CSGALNACT1: variants seen among roughly 807,000 people sequenced by gnomAD.
CSGALNACT1 encodes the protein chondroitin sulfate N-acetylgalactosaminyltransferase 1.
Under a neutral mutation model 51.0 loss-of-function variants are expected in CSGALNACT1, and 52 were observed. The observed-to-expected ratio is 1.02, with a 90% CI of 0.82 to 1.29. The LOEUF (loss-of-function observed/expected upper bound fraction) is 1.29. Among genes scored for constraint, CSGALNACT1 ranks in the 50% most tolerant of loss-of-function variants. The probability of loss-of-function intolerance (pLI) is 0.00; values close to 1 mark genes in which losing one functional copy is unlikely to be tolerated. For missense variants in CSGALNACT1, 935 were observed against 679.2 expected (o/e 1.38, Z -4.19); for synonymous variants, 341 against 254.4 (o/e 1.34, Z -3.24).
chr8:19,593,827 G>A (rs955808431), intron 2 of CSGALNACT1, among the ~76,000 whole-genome samples: 2 of 152,178 alleles, frequency 1.3e-5, no homozygotes, highest in African/African-American at 4.8e-5. Flanking sequence ...CTTCCCTTGA[G>A]GGCTGGATGA....
At chr8:19,444,413 C>A (rs1032107860) in intron 5 of CSGALNACT1, among the ~76,000 whole-genome samples, 13 of 152,172 alleles carry the variant, frequency 8.5e-5, no homozygotes, top group Non-Finnish European at 1.9e-4. Flanking sequence ...GGGTGTGGTA[C>A]CCTTGGATAC....
At chr8:19,694,161 T>A (rs1426185905) in intron 1 of CSGALNACT1, among the ~76,000 whole-genome samples, 1 of 152,220 alleles carries the variant, frequency 6.6e-6, no homozygotes, top group Admixed American at 6.5e-5. Context: ...TTGAAATAAC[T>A]AACTGGCCCA....
intron 1 of CSGALNACT1, among the ~76,000 whole-genome samples, chr8:19,679,658 G>A (rs949897042): frequency 2.0e-5 from 3 of 152,012 alleles, no homozygotes; most frequent in Admixed American, 6.6e-5. Context: ...AGGAAGGTCC[G>A]GCACCACCTG....
In CSGALNACT1 at chr8:19,601,762, C is replaced by G. The variant is rs977623502; in HGVS notation, c.-416+9G>C. On this transcript the variant is annotated intron_variant, in intron 2 of 9. Transcript: ENST00000454498. ...AAGGTTTGTTTCTTGAGTGAAAATGCTCACTTACCTGGGGGTTCAAGAAGG... is the reference window on the plus strand; with the variant it reads ...AAGGTTTGTTTCTTGAGTGAAAATGGTCACTTACCTGGGGGTTCAAGAAGG... The G allele has an allele frequency of 2.2e-6, 1 of 450,074 alleles. No individual in the cohort carries two copies. Among genetic ancestry groups the G allele is most frequent in the African/African-American group, 2.0e-5 (1 of 49,652 alleles). 27.9% of individuals were successfully genotyped at this position (450,074 alleles called of 1,614,324 possible).
intron 3 of CSGALNACT1, among the ~76,000 whole-genome samples, chr8:19,535,712 C>T (rs377294206): frequency 3.0e-4 from 45 of 151,954 alleles, no homozygotes; most frequent in Non-Finnish European, 3.8e-4. Context: ...TATTAGCAAG[C>T]CATAGAAGGA....
exon 2 of CSGALNACT1, chr8:19,601,858 G>C (rs145053554): frequency 3.8e-4 from 171 of 453,966 alleles, no homozygotes; most frequent in African/African-American, 2.8e-3. Flanking sequence ...CTTGAAATAG[G>C]AAGGCAGCTA....
intron 5 of CSGALNACT1, among the ~76,000 whole-genome samples, chr8:19,447,313 C>T (rs966907448): frequency 3.3e-5 from 5 of 152,130 alleles, no homozygotes; most frequent in African/African-American, 1.2e-4. Context: ...CTGGTATGGC[C>T]AGGTGGAAGG....
At chr8:19,420,510 T>G (rs2057750222) in exon 7 of CSGALNACT1, 8 of 1,613,946 alleles carry the variant, frequency 5.0e-6, no homozygotes, top group Non-Finnish European at 6.8e-6. Context: ...GTTCCTGAAG[T>G]TGGCAGCTCT....
intron 6 of CSGALNACT1, among the ~76,000 whole-genome samples, chr8:19,434,238 A>G (rs2060050708): frequency 6.6e-6 from 1 of 152,180 alleles, no homozygotes; most frequent in African/African-American, 2.4e-5. Flanking sequence ...TAAACAGTGC[A>G]TTCTATTCCA....
intron 1 of CSGALNACT1, among the ~76,000 whole-genome samples, chr8:19,664,024 G>A (rs559221941): frequency 6.6e-6 from 1 of 152,050 alleles, no homozygotes; most frequent in African/African-American, 2.4e-5. Context: ...CCCAGCTGGT[G>A]AAAGCGCGGG....
exon 5 of CSGALNACT1, chr8:19,458,451 A>C (rs770695314): frequency 7.4e-6 from 12 of 1,614,184 alleles, no homozygotes; most frequent in Non-Finnish European, 1.0e-5. Flanking sequence ...AACTGCCGGA[A>C]CTTGTCCACC....
chr8:19,543,334 G>C (rs184682224), intron 3 of CSGALNACT1, among the ~76,000 whole-genome samples: 2 of 152,188 alleles, frequency 1.3e-5, no homozygotes, highest in African/African-American at 4.8e-5. Flanking sequence ...AACATAGCAC[G>C]CCTGAGGCTT....
chr8:19,610,319 A>C (rs1246788985), intron 1 of CSGALNACT1, among the ~76,000 whole-genome samples: 2 of 148,004 alleles, frequency 1.4e-5, no homozygotes, highest in African/African-American at 2.5e-5. Context: ...AAAGATACAG[A>C]AGAGGGGAAG....
At chr8:19,506,895 G>C (rs140374391) in intron 3 of CSGALNACT1, among the ~76,000 whole-genome samples, 2 of 152,290 alleles carry the variant, frequency 1.3e-5, no homozygotes, top group African/African-American at 4.8e-5. Flanking sequence ...TTCTTTTTAA[G>C]TTACGCAGCT....
At chr8:19,585,989 C>G (rs368263506) in intron 3 of CSGALNACT1, among the ~76,000 whole-genome samples, 14 of 152,258 alleles carry the variant, frequency 9.2e-5, no homozygotes, top group African/African-American at 3.4e-4. Context: ...GGCTAAGGAC[C>G]TCAGAGTCCC....
intron 1 of CSGALNACT1, among the ~76,000 whole-genome samples, chr8:19,634,601 G>A (rs538298603): frequency 2.0e-5 from 3 of 152,318 alleles, no homozygotes; most frequent in East Asian, 3.9e-4. Flanking sequence ...GGTCTAGGCT[G>A]CAGTGAGCCA....
At chr8:19,549,687 T>C (rs1021919972) in intron 3 of CSGALNACT1, among the ~76,000 whole-genome samples, 1 of 142,916 alleles carries the variant, frequency 7.0e-6, no homozygotes, top group African/African-American at 2.7e-5. Flanking sequence ...TTTTGGCGTA[T>C]TCACTCACCT....
At chr8:19,472,777 GAA>G (rs1466614044) in intron 4 of CSGALNACT1, among the ~76,000 whole-genome samples, 2 of 152,114 alleles carry the variant, frequency 1.3e-5, no homozygotes, top group African/African-American at 2.4e-5. Flanking sequence ...AAGCATATCA[GAA>G]AAGTCTTAAA....
chr8:19,726,560 C>T (rs1654497609), intron 1 of CSGALNACT1, among the ~76,000 whole-genome samples: 1 of 152,152 alleles, frequency 6.6e-6, no homozygotes, highest in African/African-American at 2.4e-5. Context: ...ATCATCACCT[C>T]ACATGCTTAT....
Sources: allele counts gnomAD v4.1 joint callset (sites outside exome capture counted in the v4.1 genomes callset), GRCh38; gene constraint gnomAD v4.1.1; transcripts MANE v1.5; gene names NCBI Gene and HGNC (gene_info 2026-07-23, HGNC 2026-07-21).